Variants in TNKS observed in about 807,000 individuals in gnomAD.
TNKS encodes the protein tankyrase, also known as poly [ADP-ribose] polymerase tankyrase-1.
A neutral mutation model predicts 135.8 loss-of-function variants in TNKS; 72 were observed. The ratio of observed to expected loss-of-function variants is 0.53; its 90% confidence interval spans 0.44 to 0.64. The LOEUF is 0.64. Among genes scored for constraint, TNKS ranks in the 30% least tolerant of loss-of-function variants. The probability of loss-of-function intolerance (pLI) is 0.00; values close to 1 mark genes in which losing one functional copy is unlikely to be tolerated. For missense variants in TNKS, 1,769 were observed against 1,674.0 expected, an observed-to-expected ratio of 1.06 and a Z score of -0.99; for synonymous variants, 849 against 649.3, an observed-to-expected ratio of 1.31 and a Z score of -4.68.
intron 3 of TNKS, among the ~76,000 whole-genome samples, chr8:9,629,905 A>C (rs1365548251): frequency 6.6e-6 from 1 of 152,088 alleles, no homozygotes; most frequent in Non-Finnish European, 1.5e-5. Flanking sequence ...GATGGTCTCG[A>C]TCTCCTGACC....
At chr8:9,767,869 G>A (rs908508263) in intron 25 of TNKS, among the ~76,000 whole-genome samples, 2 of 150,170 alleles carry the variant, frequency 1.3e-5, no homozygotes, top group African/African-American at 2.5e-5. Context: ...TGAGGCAGGA[G>A]AATGGTGAGT....
At chr8:9,693,306 A>G (rs577252212) in intron 5 of TNKS, among the ~76,000 whole-genome samples, 147 of 152,240 alleles carry the variant, frequency 9.7e-4, no homozygotes, top group Non-Finnish European at 1.5e-3. Flanking sequence ...ATAGAAGAAT[A>G]TAATAACATT....
Position 9,751,755 on chromosome 8 carries a change from C to A in TNKS, c.2979C>A (p.Asp993Glu), listed in dbSNP as rs145459826. Reference protein sequence around the residue: ...PSCLSAASSIDNLTGPLAELA... With the variant: ...PSCLSAASSIENLTGPLAELA... ...GCCTCTCGGCTGCCAGCAGCATAGA[C>A]AACCTCACTGGCCCTTTAGCAGAGT... is the stretch of plus-strand genomic sequence containing the variant. The change falls in exon 19 of 27, where the codon GAC (aspartate) becomes GAA (glutamate). Residue 993 changes from aspartate (D) to glutamate (E), a missense_variant. Around this residue, in one of 5 missense-constraint regions of TNKS, gnomAD observed 722 missense variants for 688.9 expected, o/e 1.05. Transcript: ENST00000310430. 3.1e-6 allele frequency: 5 copies of A among 1,614,094 alleles called. No individual in the cohort carries two copies. Among genetic ancestry groups the A allele is most frequent in the Non-Finnish European group, 4.2e-6 (5 of 1,180,052 alleles).
intron 11 of TNKS, among the ~76,000 whole-genome samples, chr8:9,712,524 A>G (rs761838627): frequency 1.7e-4 from 26 of 152,178 alleles, no homozygotes; most frequent in Non-Finnish European, 2.8e-4. Context: ...TCAAATTCCT[A>G]ATATCACAAT....
intron 2 of TNKS, among the ~76,000 whole-genome samples, chr8:9,588,283 CT>C (rs924612367): frequency 4.0e-4 from 58 of 146,416 alleles, no homozygotes; most frequent in Admixed American, 5.5e-4. Context: ...CAAATTGCTT[CT>C]TTTTTTTTTT....
rs148266736 is a variant in TNKS at position 9,575,367 on chromosome 8, G to A, written c.674-4792G>A. The A allele has an allele frequency of 3.5e-4, 342 of 985,098 alleles. 2 individuals are homozygous for A. In the Admixed American group the frequency reaches 0.013, roughly 36 times the overall value. 61.0% of individuals were successfully genotyped at this position (985,098 alleles called of 1,614,324 possible). ...CCCTAAATTACAGGTGTGAGCCACC[G>A]CGCCCGGCGGATAATTTTTTAAGAG... is the stretch of plus-strand genomic sequence containing the variant. On this transcript the variant is annotated intron_variant, in intron 1 of 26. Transcript: ENST00000310430.
At chr8:9,744,303 A>C (rs1472553899) in intron 17 of TNKS, among the ~76,000 whole-genome samples, 1 of 152,210 alleles carries the variant, frequency 6.6e-6, no homozygotes, top group Non-Finnish European at 1.5e-5. Context: ...CAAAGCATGT[A>C]AATTTATATC....
chr8:9,567,761 C>G (rs576475678), intron 1 of TNKS, among the ~76,000 whole-genome samples: 3 of 152,120 alleles, frequency 2.0e-5, no homozygotes, highest in Non-Finnish European at 4.4e-5. Context: ...GTTAGAAAAT[C>G]TCGTAGATAA....
At chr8:9,762,484 T>G (rs1807194751) in intron 21 of TNKS, among the ~76,000 whole-genome samples, 1 of 146,998 alleles carries the variant, frequency 6.8e-6, no homozygotes, top group Non-Finnish European at 1.5e-5. Flanking sequence ...CTGACTATAT[T>G]GTGATGTCAG....
intron 3 of TNKS, among the ~76,000 whole-genome samples, chr8:9,645,875 ATCTTT>A (rs1025442806): frequency 1.5e-4 from 23 of 152,116 alleles, no homozygotes; most frequent in Non-Finnish European, 1.5e-5. Flanking sequence ...ACTCATAGTT[ATCTTT>A]TCTTTAACAG....
chr8:9,761,491 T>G, intron 20 of TNKS, 25 bp from the exon 21 acceptor site: 1 of 1,611,982 alleles, frequency 6.2e-7, no homozygotes, highest in Non-Finnish European at 8.5e-7. Context: ...AAAGATATCC[T>G]AGCTAATTTT....
At position 9,644,702 on chromosome 8, in the gene TNKS, T is replaced by G. The variant is rs184448342; in HGVS notation, c.994+29025T>G. ...TTCAGGAGCTAATTTGCTTTGTGCG[T>G]TGTTCCTTTAGCAATTAAATATGAA... On this transcript the variant is annotated intron_variant, in intron 3 of 26. Transcript: ENST00000310430. Among the ~76,000 whole-genome samples the G allele has an allele frequency of 2.6e-5, 4 of 152,298 alleles. No homozygotes were observed. In the East Asian group the frequency reaches 7.7e-4, roughly 29 times the overall value.
chr8:9,763,248 A>G lies in TNKS; in HGVS notation c.3372+4A>G. 6.4e-7 allele frequency: 1 copy of G among 1,559,180 alleles called. No homozygotes were observed. The highest frequency in any genetic ancestry group is 1.2e-5 in the South Asian group (1 of 84,554). The stretch of plus-strand genomic sequence containing the variant: ...ATATCAGTCAGTGGAAGAAGAGGTA[A>G]TATACATCAGAAATCTTTCATTTGC... On this transcript the variant is annotated splice_donor_region_variant and intron_variant, in intron 22 of 26. Coordinates refer to ENST00000310430, the MANE Select transcript of TNKS (RefSeq NM_003747.3).
At chr8:9,772,823 GTGTGTGTC>G (rs777824783) in intron 26 of TNKS, among the ~76,000 whole-genome samples, 3,421 of 63,686 alleles carry the variant, frequency 0.054, 114 homozygotes, top group Admixed American at 0.2. Context: ...GTGTGTGTGT[GTGTGTGTC>G]TGTGTGTGTG....
At chr8:9,687,323 A>C (rs1332846068) in intron 5 of TNKS, among the ~76,000 whole-genome samples, 1 of 152,348 alleles carries the variant, frequency 6.6e-6, no homozygotes, top group Middle Eastern at 3.4e-3. Flanking sequence ...TATCTAATCA[A>C]GTCACTTCTT....
At chr8:9,589,005 A>G (rs941703926) in intron 2 of TNKS, among the ~76,000 whole-genome samples, 1 of 152,184 alleles carries the variant, frequency 6.6e-6, no homozygotes, top group South Asian at 2.1e-4. Context: ...ATTGTCATAG[A>G]TAATTGAATA....
chr8:9,676,637 A>T (rs995864254), intron 3 of TNKS, among the ~76,000 whole-genome samples: 1 of 151,970 alleles, frequency 6.6e-6, no homozygotes, highest in South Asian at 2.1e-4. Context: ...TTGTTTTAAT[A>T]ACATAGCTCT....
Position 9,556,107 on chromosome 8 carries a change from C to T in TNKS, c.168C>T (p.Phe56=), listed in dbSNP as rs1272297907. The T allele has an allele frequency of 1.2e-6, 2 of 1,600,182 alleles. No individual in the cohort carries two copies. The highest frequency in any genetic ancestry group is 1.7e-6 in the Non-Finnish European group (2 of 1,173,982). The change falls in exon 1 of 27, where the codon TTC becomes TTT. Residue 56 remains phenylalanine, a synonymous_variant. Coordinates refer to ENST00000310430, the MANE Select transcript of TNKS (RefSeq NM_003747.3). The part of the protein sequence containing the change: ...ASPTASGLAP[F]ASPRHGLALP... ...CCACGGCCAGCGGCCTGGCCCCCTT[C>T]GCCTCCCCGCGGCACGGCCTAGCGC...
intron 20 of TNKS, among the ~76,000 whole-genome samples, chr8:9,760,146 C>T (rs2128832943): frequency 6.6e-6 from 1 of 152,268 alleles, no homozygotes; most frequent in Middle Eastern, 3.4e-3. Flanking sequence ...AAAATCATGT[C>T]TAGCTAAGAA....
Sources: allele counts gnomAD v4.1 joint callset (sites outside exome capture counted in the v4.1 genomes callset), GRCh38; gene constraint gnomAD v4.1.1; regional missense constraint gnomAD v4.1.1; transcripts MANE v1.5; gene names NCBI Gene and HGNC (gene_info 2026-07-23, HGNC 2026-07-21).